Variants in LAPTM4B observed in about 807,000 individuals in gnomAD.
LAPTM4B encodes the protein lysosomal-associated transmembrane protein 4B.
Under a neutral mutation model 28.5 loss-of-function variants are expected in LAPTM4B, and 26 were observed. The observed-to-expected ratio is 0.91, with a 90% CI of 0.67 to 1.27. The LOEUF (loss-of-function observed/expected upper bound fraction) is 1.27, where lower values mean the gene tolerates loss of function less well. LAPTM4B is among the 50% of genes most tolerant of loss of function. The pLI is 0.00. For synonymous variants in LAPTM4B, 109 were observed against 106.4 expected (o/e 1.02, Z -0.15); for missense variants, 288 against 285.8 (o/e 1.01, Z -0.06).
intron 1 of LAPTM4B, among the ~76,000 whole-genome samples, chr8:97,798,189 A>C (rs75973224): frequency 0.029 from 4,463 of 152,172 alleles, 229 homozygotes; most frequent in African/African-American, 0.1. Context: ...GTTCTTACCC[A>C]GTGTTGTTGG....
chr8:97,850,196 T>A (rs1427444445), intron 6 of LAPTM4B, among the ~76,000 whole-genome samples: 2 of 151,962 alleles, frequency 1.3e-5, no homozygotes, highest in African/African-American at 4.9e-5. Flanking sequence ...TAATTCTTCA[T>A]GAAACTATAT....
chr8:97,814,505 CAG>C (rs1816873002), intron 2 of LAPTM4B, among the ~76,000 whole-genome samples: 1 of 151,502 alleles, frequency 6.6e-6, no homozygotes, highest in Admixed American at 6.6e-5. Context: ...GCCTGGGCGA[CAG>C]AGTGAGACTC....
At chr8:97,811,068 C>G (rs145940284) in intron 2 of LAPTM4B, among the ~76,000 whole-genome samples, 2 of 152,274 alleles carry the variant, frequency 1.3e-5, no homozygotes, top group East Asian at 3.9e-4. Flanking sequence ...AGTAAATTAC[C>G]GTGCCCCTTC....
At chr8:97,823,512 T>C (rs1401113112) in intron 5 of LAPTM4B, among the ~76,000 whole-genome samples, 2 of 149,280 alleles carry the variant, frequency 1.3e-5, no homozygotes, top group African/African-American at 2.5e-5. Flanking sequence ...ATAGCTGGGA[T>C]TACAGGCATG....
chr8:97,782,863 C>T (rs1586317962), intron 1 of LAPTM4B, among the ~76,000 whole-genome samples: 1 of 151,934 alleles, frequency 6.6e-6, no homozygotes, highest in African/African-American at 2.4e-5. Context: ...TCCAAAGTAG[C>T]TGGGATTGCA....
intron 1 of LAPTM4B, among the ~76,000 whole-genome samples, chr8:97,781,344 A>G (rs111808972): frequency 0.074 from 9,265 of 125,242 alleles, 400 homozygotes; most frequent in Admixed American, 0.15. Context: ...CAGTGGTGCA[A>G]TCTCAGCTCA....
At chr8:97,799,427 G>A (rs80241674) in intron 1 of LAPTM4B, among the ~76,000 whole-genome samples, 141 of 152,264 alleles carry the variant, frequency 9.3e-4, no homozygotes, top group African/African-American at 3.2e-3. Flanking sequence ...CAGATGAGTC[G>A]TTTCAAAGGG....
At chr8:97,808,965 AG>A (rs1816791555) in intron 2 of LAPTM4B, among the ~76,000 whole-genome samples, 2 of 152,078 alleles carry the variant, frequency 1.3e-5, no homozygotes, top group Non-Finnish European at 2.9e-5. Flanking sequence ...CATCTCAGAA[AG>A]AAAAAGAAAA....
chr8:97,844,119 G>A (rs1384734143), intron 6 of LAPTM4B, among the ~76,000 whole-genome samples: 1 of 151,708 alleles, frequency 6.6e-6, no homozygotes, highest in Non-Finnish European at 1.5e-5. Flanking sequence ...TGGGGAGAGG[G>A]GGGTCTCTGT....
Position 97,851,703 on chromosome 8 carries a change from G to T in LAPTM4B, c.*229G>T. 1.8e-6 allele frequency: 1 copy of T among 550,460 alleles called. No individual in the cohort carries two copies. The allele number at this position is 550,460 out of a possible 1,614,324, so 34.1% of individuals were successfully genotyped here. A position where few individuals can be genotyped will look rare whatever the true frequency, so the allele number is the denominator to read the frequency against. ...CTTCCTGTACGATTGGGGATATAAT[G>T]GGCTTCACTAACCTTCCCTAGGCAT... On this transcript the variant is annotated 3_prime_UTR_variant, in exon 7 of 7. Transcript: ENST00000521545.
chr8:97,842,921 C>CA (rs1309568209), intron 6 of LAPTM4B, among the ~76,000 whole-genome samples: 5 of 151,900 alleles, frequency 3.3e-5, no homozygotes, highest in African/African-American at 4.8e-5. Flanking sequence ...CGCTCTCACC[C>CA]AGGCTGGAGT....
At position 97,851,885 on chromosome 8, in the gene LAPTM4B, A is replaced by C; in HGVS notation, c.*411A>C. The C allele has an allele frequency of 5.6e-6, 1 of 177,398 alleles. No individual in the cohort carries two copies. Among genetic ancestry groups the C allele is most frequent in the Non-Finnish European group, 1.2e-5 (1 of 84,440 alleles). 11.0% of individuals were successfully genotyped at this position (177,398 alleles called of 1,614,324 possible). ...CTTCAGCCATTCCAGCATAGAGAAC[A>C]AAACCTTATGGAAACAGGAATGTCA... On this transcript the variant is annotated 3_prime_UTR_variant, in exon 7 of 7. Coordinates refer to ENST00000521545, the MANE Select transcript of LAPTM4B (RefSeq NM_018407.6).
chr8:97,786,980 G>A (rs1816413482), intron 1 of LAPTM4B, among the ~76,000 whole-genome samples: 1 of 152,130 alleles, frequency 6.6e-6, no homozygotes, highest in African/African-American at 2.4e-5. Flanking sequence ...TGTTCCTTGA[G>A]GCCATCCAGA....
chr8:97,799,567 G>T (rs1481928168), intron 1 of LAPTM4B, among the ~76,000 whole-genome samples: 1 of 152,090 alleles, frequency 6.6e-6, no homozygotes, highest in African/African-American at 2.4e-5. Flanking sequence ...GTATGTTGAG[G>T]CCCTATTGTG....
chr8:97,783,946 CAA>C lies in LAPTM4B; in HGVS notation c.99+7840_99+7841del, dbSNP rs139924527. Reference sequence around the variant, plus strand: ...CTATTATCAGTTTGTTTATTAGACTCAAATGATCAAACCTTCAGAAGTTGTAG... The same window carrying C: ...CTATTATCAGTTTGTTTATTAGACTCATGATCAAACCTTCAGAAGTTGTAG... On this transcript the variant is annotated intron_variant, in intron 1 of 6. Coordinates refer to ENST00000521545, the MANE Select transcript of LAPTM4B (RefSeq NM_018407.6). Among the ~76,000 whole-genome samples, 295 of 152,306 alleles carry C rather than the reference CAA, an allele frequency of 1.9e-3. 10 individuals are homozygous for C. In the East Asian group the frequency reaches 0.027, roughly 14 times the overall value.
At chr8:97,784,419 G>T (rs906302622) in intron 1 of LAPTM4B, among the ~76,000 whole-genome samples, 2 of 151,942 alleles carry the variant, frequency 1.3e-5, no homozygotes, top group African/African-American at 4.8e-5. Flanking sequence ...GATGAAAGCA[G>T]TTTTTTTTGG....
At chr8:97,801,922 A>AC (rs1816689874) in intron 1 of LAPTM4B, among the ~76,000 whole-genome samples, 2 of 151,984 alleles carry the variant, frequency 1.3e-5, no homozygotes, top group Non-Finnish European at 2.9e-5. Flanking sequence ...TCTTTGCCAT[A>AC]AATCTTAATG....
chr8:97,784,234 G>A (rs1816368241), intron 1 of LAPTM4B, among the ~76,000 whole-genome samples: 1 of 152,034 alleles, frequency 6.6e-6, no homozygotes, highest in South Asian at 2.1e-4. Context: ...CTGTGACTTG[G>A]CCCGTAATTT....
At chr8:97,837,164 C>T (rs924512113) in intron 6 of LAPTM4B, among the ~76,000 whole-genome samples, 4 of 149,618 alleles carry the variant, frequency 2.7e-5, no homozygotes, top group African/African-American at 9.8e-5. Context: ...AAAAATTGTG[C>T]ATGAAAAATT....
Sources: gnomAD v4.1 joint callset for allele counts (sites outside exome capture counted in the v4.1 genomes callset) on GRCh38, gnomAD v4.1.1 for gene constraint, MANE v1.5 for transcripts, NCBI Gene and HGNC (gene_info 2026-07-23, HGNC 2026-07-21) for gene names.